KIAA1328: variants seen among roughly 807,000 people sequenced by gnomAD.
The protein encoded by KIAA1328 is KIAA1328.
A neutral mutation model predicts 68.1 loss-of-function variants in KIAA1328; 52 were observed. The observed-to-expected ratio is 0.76, with a 90% CI of 0.61 to 0.96. The LOEUF (loss-of-function observed/expected upper bound fraction) is 0.96, where lower values mean the gene tolerates loss of function less well. Among genes scored for constraint, KIAA1328 ranks in the 40% least tolerant of loss-of-function variants. The pLI is 0.00. For missense variants in KIAA1328, 641 were observed against 677.6 expected (o/e 0.95, Z 0.60); for synonymous variants, 232 against 239.4 (o/e 0.97, Z 0.28).
At chr18:37,047,728 T>C (rs1366363448) in intron 6 of KIAA1328, among the ~76,000 whole-genome samples, 1 of 152,202 alleles carries the variant, frequency 6.6e-6, no homozygotes, top group African/African-American at 2.4e-5. Context: ...TGCTGCTCTT[T>C]ATATATAGCA....
chr18:36,848,507 C>A (rs2150828543), intron 4 of KIAA1328, among the ~76,000 whole-genome samples: 7 of 107,692 alleles, frequency 6.5e-5, no homozygotes, highest in South Asian at 3.2e-4. Flanking sequence ...CAAGTAAAAA[C>A]AGTTTTGCTT....
chr18:37,182,193 A>T (rs923996345), intron 9 of KIAA1328, among the ~76,000 whole-genome samples: 1 of 152,196 alleles, frequency 6.6e-6, no homozygotes, highest in Non-Finnish European at 1.5e-5. Context: ...AGGTTATCAA[A>T]TTCCCTTAAC....
chr18:37,035,447 A>G (rs1419458900), intron 6 of KIAA1328, among the ~76,000 whole-genome samples: 1 of 152,180 alleles, frequency 6.6e-6, no homozygotes, highest in Admixed American at 6.5e-5. Flanking sequence ...GTGCTAGTGT[A>G]ATGGAAATGT....
intron 6 of KIAA1328, among the ~76,000 whole-genome samples, chr18:37,036,401 AC>A (rs1461226278): frequency 6.6e-6 from 1 of 152,164 alleles, no homozygotes; most frequent in Non-Finnish European, 1.5e-5. Context: ...CCTGATATAG[AC>A]CCTGAATGCT....
chr18:36,921,874 C>T (rs2049938852), intron 5 of KIAA1328, among the ~76,000 whole-genome samples: 1 of 151,980 alleles, frequency 6.6e-6, no homozygotes, highest in Admixed American at 6.6e-5. Context: ...TACTTGCTTT[C>T]CCTTATTCTC....
At chr18:37,186,402 C>G (rs919725334) in intron 9 of KIAA1328, among the ~76,000 whole-genome samples, 1 of 151,234 alleles carries the variant, frequency 6.6e-6, no homozygotes, top group African/African-American at 2.4e-5. Flanking sequence ...CTTGTTGCTA[C>G]TAAAAATTTA....
rs72888986 is a variant in KIAA1328, at chr18:36,988,417, A to T, written c.576+28982A>T. 3.0e-3 allele frequency among the ~76,000 whole-genome samples: 460 copies of T among 152,318 alleles called. 2 individuals carry two copies. The highest frequency in any genetic ancestry group is 4.4e-3 in the Non-Finnish European group (302 of 68,020). On this transcript the variant is annotated intron_variant, in intron 6 of 9. Transcript: ENST00000280020. ...TCTGCAATAAATTATTACCATCCAG[A>T]TCAATAAACAGACACCTGTCATCGT... is the stretch of plus-strand genomic sequence containing the variant.
chr18:36,911,313 ATACTC>A (rs1362247849), intron 5 of KIAA1328, among the ~76,000 whole-genome samples: 6 of 152,280 alleles, frequency 3.9e-5, no homozygotes, highest in African/African-American at 1.2e-4. Flanking sequence ...TTCTATGAGA[ATACTC>A]TAATTAGGAA....
intron 5 of KIAA1328, among the ~76,000 whole-genome samples, chr18:36,940,745 G>A (rs945553233): frequency 6.7e-6 from 1 of 148,526 alleles, no homozygotes; most frequent in East Asian, 2.0e-4. Flanking sequence ...GTGCGAACTC[G>A]GCTCACTGCA....
Position 37,208,866 on chromosome 18 carries a change from A to T in KIAA1328, c.1524-13151A>T, listed in dbSNP as rs149292297. ...AGGAAGGCTGGGAATAAAGGGAGAGATATTACAGAACATCATGGGACTAGC... is the reference window on the plus strand; with the variant it reads ...AGGAAGGCTGGGAATAAAGGGAGAGTTATTACAGAACATCATGGGACTAGC... On this transcript the variant is annotated intron_variant, in intron 9 of 9. Transcript: ENST00000280020. Among the ~76,000 whole-genome samples the T allele has an allele frequency of 2.0e-5, 3 of 152,288 alleles. No homozygotes were observed. The East Asian group carries it at 5.8e-4, about 29-fold the overall frequency.
chr18:36,836,443 A>C (rs2046677330), intron 3 of KIAA1328, among the ~76,000 whole-genome samples: 1 of 152,078 alleles, frequency 6.6e-6, no homozygotes, highest in African/African-American at 2.4e-5. Context: ...TCTTTCATTT[A>C]TCATAGCCTA....
intron 8 of KIAA1328, among the ~76,000 whole-genome samples, chr18:37,164,714 C>T (rs775090815): frequency 6.6e-6 from 1 of 152,144 alleles, no homozygotes; most frequent in Non-Finnish European, 1.5e-5. Context: ...CCACTGCACT[C>T]CAGCCTGGGT....
intron 7 of KIAA1328, among the ~76,000 whole-genome samples, chr18:37,133,199 G>C (rs1328409295): frequency 6.6e-6 from 1 of 152,030 alleles, no homozygotes; most frequent in Non-Finnish European, 1.5e-5. Context: ...GGGTGTGATG[G>C]CGCATGCCTG....
intron 7 of KIAA1328, among the ~76,000 whole-genome samples, chr18:37,145,430 G>C (rs2058874920): frequency 6.6e-6 from 1 of 152,108 alleles, no homozygotes; most frequent in Non-Finnish European, 1.5e-5. Context: ...GTCTGCTGTT[G>C]AGTGTAGTGT....
chr18:36,844,915 A>C (rs1394457905), intron 4 of KIAA1328, among the ~76,000 whole-genome samples: 1 of 151,890 alleles, frequency 6.6e-6, no homozygotes, highest in East Asian at 1.9e-4. Flanking sequence ...AAATTGTAAA[A>C]GTTAAATTTA....
intron 9 of KIAA1328, 43 bp downstream of exon 9, chr18:37,173,124 A>C: frequency 4.3e-6 from 6 of 1,409,780 alleles, no homozygotes; most frequent in Non-Finnish European, 5.9e-6. Flanking sequence ...TCTCCCTATG[A>C]GAGCATTTTT....
At chr18:36,880,115 T>G (rs1021976469) in intron 4 of KIAA1328, among the ~76,000 whole-genome samples, 3 of 152,184 alleles carry the variant, frequency 2.0e-5, no homozygotes, top group African/African-American at 7.2e-5. Context: ...TCTGCTCAGA[T>G]GGCCACCCAG....
intron 5 of KIAA1328, among the ~76,000 whole-genome samples, chr18:36,954,109 T>C (rs1161752975): frequency 1.3e-5 from 2 of 149,706 alleles, no homozygotes; most frequent in African/African-American, 4.9e-5. Context: ...TTCACGCCAT[T>C]CTCCTGCCTC....
At chr18:36,937,392 G>A (rs1039177386) in intron 5 of KIAA1328, among the ~76,000 whole-genome samples, 2 of 152,176 alleles carry the variant, frequency 1.3e-5, no homozygotes, top group African/African-American at 2.4e-5. Context: ...CTTCTGCACA[G>A]CAAAGGAACT....
Sources: gnomAD v4.1 joint callset for allele counts (sites outside exome capture counted in the v4.1 genomes callset) on GRCh38, gnomAD v4.1.1 for gene constraint, MANE v1.5 for transcripts, NCBI Gene and HGNC (gene_info 2026-07-23, HGNC 2026-07-21) for gene names.